Variants in CCDC138 observed in about 807,000 individuals in gnomAD.
CCDC138 encodes coiled-coil domain containing 138, also known as coiled-coil domain-containing protein 138.
In CCDC138, 66 loss-of-function variants were observed where a neutral mutation model predicts 82.3. The observed-to-expected ratio is 0.80, with a 90% confidence interval of 0.66 to 0.98. CCDC138 has a LOEUF of 0.98. Among genes scored for constraint, CCDC138 ranks in the 50% least tolerant of loss-of-function variants. CCDC138 has a pLI of 0.00. For missense variants in CCDC138, 816 were observed against 758.9 expected, an observed-to-expected ratio of 1.08 and a Z score of -0.88; for synonymous variants, 297 against 265.4, an observed-to-expected ratio of 1.12 and a Z score of -1.16.
At chr2:108,798,276 T>C in intron 5 of CCDC138, 152 bp from the exon 6 acceptor site, 2 of 663,954 alleles carry the variant, frequency 3.0e-6, no homozygotes, top group Non-Finnish European at 5.2e-6. Flanking sequence ...GTTTACTTGC[T>C]ATACTAGTCT....
intron 10 of CCDC138, among the ~76,000 whole-genome samples, chr2:108,832,294 T>G (rs1388341742): frequency 6.6e-6 from 1 of 151,822 alleles, no homozygotes; most frequent in East Asian, 1.9e-4. Flanking sequence ...CCCAAAGTGC[T>G]GAGATTACAG....
chr2:108,859,059 G>A lies in CCDC138; in HGVS notation c.1693+2089G>A, dbSNP rs13402861. 2.9e-3 allele frequency among the ~76,000 whole-genome samples: 447 copies of A among 152,082 alleles called. 3 individuals carry two copies. Among genetic ancestry groups the A allele is most frequent in the African/African-American group, 0.01 (436 of 41,540 alleles). ...TACCCAGTAATAGGATTGCTGAATC[G>A]AATGGCAGTTCTATTTGACTTTAGT... On this transcript the variant is annotated intron_variant, in intron 13 of 14. Coordinates refer to ENST00000295124, the MANE Select transcript of CCDC138 (RefSeq NM_144978.3).
intron 2 of CCDC138, 102 bp from the exon 3 acceptor site, chr2:108,788,750 G>A: frequency 6.8e-7 from 1 of 1,462,522 alleles, no homozygotes; most frequent in Non-Finnish European, 9.1e-7. Flanking sequence ...AAATTTGAGA[G>A]AGAAGATTTT....
chr2:108,843,791 G>A (rs1309221566), intron 11 of CCDC138, among the ~76,000 whole-genome samples: 9 of 148,102 alleles, frequency 6.1e-5, no homozygotes, highest in South Asian at 2.1e-4. Flanking sequence ...CTCTGGGCAC[G>A]TTTTTTGCCA....
At chr2:108,864,086 A>T (rs1427311593) in intron 13 of CCDC138, among the ~76,000 whole-genome samples, 1 of 152,184 alleles carries the variant, frequency 6.6e-6, no homozygotes, top group Non-Finnish European at 1.5e-5. Flanking sequence ...AGTGTGTAAC[A>T]CTAGTGAGCC....
At chr2:108,793,041 G>A (rs1185178951) in intron 4 of CCDC138, among the ~76,000 whole-genome samples, 1 of 149,280 alleles carries the variant, frequency 6.7e-6, no homozygotes, top group Admixed American at 6.7e-5. Flanking sequence ...TCCAGTCTGG[G>A]CGACAGAGAG....
At chr2:108,873,406 T>A in intron 13 of CCDC138, 45 bp from the exon 14 acceptor site, 1 of 1,431,152 alleles carries the variant, frequency 7.0e-7, no homozygotes, top group Non-Finnish European at 9.2e-7. Flanking sequence ...TAATTTCCTT[T>A]TTCGCTACTC....
At chr2:108,820,713 A>ACT (rs2150035949) in intron 10 of CCDC138, among the ~76,000 whole-genome samples, 1 of 48,500 alleles carries the variant, frequency 2.1e-5, no homozygotes, top group Non-Finnish European at 3.5e-5. Context: ...AAAAAAAAAA[A>ACT]AACAAACAAC....
At chr2:108,805,803 A>AT (rs1298688700) in intron 7 of CCDC138, among the ~76,000 whole-genome samples, 1 of 152,068 alleles carries the variant, frequency 6.6e-6, no homozygotes, top group African/African-American at 2.4e-5. Flanking sequence ...AGTTATGTCT[A>AT]TTTTTTTCCT....
At chr2:108,836,889 A>G (rs569639149) in intron 10 of CCDC138, among the ~76,000 whole-genome samples, 1 of 151,388 alleles carries the variant, frequency 6.6e-6, no homozygotes, top group South Asian at 2.1e-4. Context: ...ATGGAAACAC[A>G]AGTGATTTTT....
At chr2:108,791,934 A>G (rs528025620) in intron 4 of CCDC138, 132 bp downstream of exon 4, 1 of 903,284 alleles carries the variant, frequency 1.1e-6, no homozygotes. Flanking sequence ...TCTGTAAGCT[A>G]GGAGATAGTT....
chr2:108,866,829 G>A (rs1307598611), intron 13 of CCDC138, among the ~76,000 whole-genome samples: 1 of 151,724 alleles, frequency 6.6e-6, no homozygotes, highest in African/African-American at 2.4e-5. Context: ...TTTGCAGTGA[G>A]CCGAGATCAC....
rs1683791626 is a variant in CCDC138 at position 108,811,246 on chromosome 2, T to C, written c.856-1385T>C. Among the ~76,000 whole-genome samples the C allele has an allele frequency of 4.7e-4, 7 of 15,052 alleles. No homozygotes were observed. In the South Asian group the frequency reaches 0.012, roughly 25 times the overall value. The allele number at this position is 15,052 out of a possible 152,430, so 9.9% of individuals were successfully genotyped here. On this transcript the variant is annotated intron_variant, in intron 7 of 14. Coordinates refer to ENST00000295124, the MANE Select transcript of CCDC138 (RefSeq NM_144978.3). ...TCTCCCTTTTCTTTCTTTCTCTCTC[T>C]CTTTTTTTTTTTTTTTGACTGTCTC...
At chr2:108,825,887 C>T (rs1258903869) in intron 10 of CCDC138, among the ~76,000 whole-genome samples, 1 of 152,174 alleles carries the variant, frequency 6.6e-6, no homozygotes, top group African/African-American at 2.4e-5. Context: ...TGCCAGCAGT[C>T]TGCAGAAGTT....
chr2:108,797,381 C>A (rs1681078765), intron 5 of CCDC138, among the ~76,000 whole-genome samples: 1 of 152,038 alleles, frequency 6.6e-6, no homozygotes, highest in African/African-American at 2.4e-5. Flanking sequence ...TTGAGAGAAT[C>A]AATAAAATAA....
intron 10 of CCDC138, among the ~76,000 whole-genome samples, chr2:108,821,394 T>G (rs1244894986): frequency 6.6e-6 from 1 of 152,082 alleles, no homozygotes; most frequent in Non-Finnish European, 1.5e-5. Context: ...TAACATAAAG[T>G]GGGAATGTGG....
At chr2:108,816,128 T>A in intron 10 of CCDC138, 23 bp downstream of exon 10, 1 of 1,539,086 alleles carries the variant, frequency 6.5e-7, no homozygotes, top group Non-Finnish European at 8.9e-7. Context: ...ATTTGAAATA[T>A]GTGATTCAGA....
chr2:108,812,612 A>C lies in CCDC138; in HGVS notation c.856-19A>C. The C allele has an allele frequency of 6.3e-7, 1 of 1,590,126 alleles. No individual in the cohort carries two copies. The highest frequency in any genetic ancestry group is 2.2e-5 in the East Asian group (1 of 44,638). ...GTTGAAGGTGTATATTGAAATATCT[A>C]ACTTTTTCTACCCTTTAGTTAAATG... is the stretch of plus-strand genomic sequence containing the variant. On this transcript the variant is annotated intron_variant, in intron 7 of 14. Coordinates refer to ENST00000295124, the MANE Select transcript of CCDC138 (RefSeq NM_144978.3).
rs769547323 is a variant in CCDC138 at position 108,815,968 on chromosome 2, CTT to C, written c.1072_1073del (p.Leu358AsnfsTer13). The C allele has an allele frequency of 6.2e-7, 1 of 1,612,674 alleles. No homozygotes were observed. The highest frequency in any genetic ancestry group is 2.2e-5 in the East Asian group (1 of 44,834). ...KVPLNGQVYE[L>X]LTVFMDWISD... ...ACCACTTAATGGGCAAGTTTATGAA[CTT>C]TTAACTGTCTTCATGGACTGGATTT... On this transcript the variant is annotated frameshift_variant, in exon 10 of 15. Coordinates refer to ENST00000295124, the MANE Select transcript of CCDC138 (RefSeq NM_144978.3). LOFTEE classifies it high-confidence loss of function.
Sources: gnomAD v4.1 joint callset for allele counts (sites outside exome capture counted in the v4.1 genomes callset) on GRCh38, gnomAD v4.1.1 for gene constraint, MANE v1.5 for transcripts, NCBI Gene and HGNC (gene_info 2026-07-23, HGNC 2026-07-21) for gene names.